XKR4: variants seen among roughly 807,000 people sequenced by gnomAD.
XKR4 encodes the protein XK-related protein 4.
A neutral mutation model predicts 53.9 loss-of-function variants in XKR4; 12 were observed. The ratio of observed to expected loss-of-function variants is 0.22; its 90% CI spans 0.14 to 0.36. The LOEUF (loss-of-function observed/expected upper bound fraction) is 0.36. XKR4 is among the 10% of genes least tolerant of loss of function. XKR4 has a pLI of 1.00. For missense variants in XKR4, 799 were observed against 859.5 expected (o/e 0.93, Z 0.88); for synonymous variants, 354 against 362.4 (o/e 0.98, Z 0.26).
intron 2 of XKR4, among the ~76,000 whole-genome samples, chr8:55,387,082 G>T (rs78023992): frequency 0.023 from 3,480 of 152,248 alleles, 47 homozygotes; most frequent in Middle Eastern, 0.037. Context: ...TTCCAGGTCC[G>T]CTTCTGTAGT....
chr8:55,187,666 A>G (rs894613974), intron 1 of XKR4, among the ~76,000 whole-genome samples: 7 of 152,148 alleles, frequency 4.6e-5, no homozygotes, highest in Non-Finnish European at 1.0e-4. Context: ...ATTGTTTTCT[A>G]TTTGTCTCTG....
At chr8:55,434,766 T>C (rs1479768834) in intron 2 of XKR4, among the ~76,000 whole-genome samples, 1 of 152,324 alleles carries the variant, frequency 6.6e-6, no homozygotes, top group South Asian at 2.1e-4. Context: ...GCTTTTTTAT[T>C]TGTTAGTGGA....
At chr8:55,308,815 A>T (rs1038689236) in intron 1 of XKR4, among the ~76,000 whole-genome samples, 2 of 152,222 alleles carry the variant, frequency 1.3e-5, no homozygotes, top group African/African-American at 4.8e-5. Context: ...TGATCCCTGG[A>T]ACGTGTGAAT....
intron 2 of XKR4, among the ~76,000 whole-genome samples, chr8:55,424,019 A>G (rs1190711683): frequency 6.6e-6 from 1 of 152,228 alleles, no homozygotes. Context: ...CAGTCCCTAC[A>G]TAATCCAAAC....
intron 2 of XKR4, among the ~76,000 whole-genome samples, chr8:55,480,083 G>T (rs1046067910): frequency 6.6e-6 from 1 of 152,124 alleles, no homozygotes; most frequent in South Asian, 2.1e-4. Context: ...CCAAAGCCTG[G>T]CAGAGACACC....
At chr8:55,176,937 C>CA (rs1275529685) in intron 1 of XKR4, among the ~76,000 whole-genome samples, 3 of 151,952 alleles carry the variant, frequency 2.0e-5, no homozygotes, top group Non-Finnish European at 4.4e-5. Context: ...TGTGCGCAGC[C>CA]AAATCACAAA....
At chr8:55,498,093 T>C (rs1806382918) in intron 2 of XKR4, among the ~76,000 whole-genome samples, 1 of 152,218 alleles carries the variant, frequency 6.6e-6, no homozygotes, top group Non-Finnish European at 1.5e-5. Flanking sequence ...GTTGCTGTCT[T>C]GATATTCTTA....
At chr8:55,386,956 G>A (rs1804327739) in intron 2 of XKR4, among the ~76,000 whole-genome samples, 1 of 152,138 alleles carries the variant, frequency 6.6e-6, no homozygotes, top group Non-Finnish European at 1.5e-5. Flanking sequence ...AATACTATAT[G>A]TTGCATAAAA....
At position 55,524,382 on chromosome 8, in the gene XKR4, C is replaced by A; in HGVS notation, c.*155C>A. 1.3e-6 allele frequency: 1 copy of A among 762,114 alleles called. No individual in the cohort carries two copies. The allele number at this position is 762,114 out of a possible 1,614,324, so 47.2% of individuals were successfully genotyped here. ...ATCATTTGATCCTGTCGGCTGGGGG[C>A]GGCTGGTCTCCTTCCAAAGCAGCTG... On this transcript the variant is annotated 3_prime_UTR_variant, in exon 3 of 3. Coordinates refer to ENST00000327381, the MANE Select transcript of XKR4 (RefSeq NM_052898.2).
chr8:55,186,142 T>A (rs985263073), intron 1 of XKR4, among the ~76,000 whole-genome samples: 2 of 152,010 alleles, frequency 1.3e-5, no homozygotes, highest in African/African-American at 4.8e-5. Context: ...AACCAATTCA[T>A]CTCCCAGAAT....
At chr8:55,259,170 C>A (rs543213019) in intron 1 of XKR4, among the ~76,000 whole-genome samples, 1 of 152,204 alleles carries the variant, frequency 6.6e-6, no homozygotes, top group South Asian at 2.1e-4. Flanking sequence ...GCACCGGCAT[C>A]CACTGCGCGG....
At chr8:55,215,067 G>A (rs1375383148) in intron 1 of XKR4, among the ~76,000 whole-genome samples, 7 of 123,772 alleles carry the variant, frequency 5.7e-5, no homozygotes, top group Non-Finnish European at 1.3e-4. Context: ...TGGGTTTAGA[G>A]TATGGTTAAA....
intron 2 of XKR4, among the ~76,000 whole-genome samples, chr8:55,518,980 C>T (rs1359989040): frequency 6.6e-6 from 1 of 152,156 alleles, no homozygotes; most frequent in African/African-American, 2.4e-5. Flanking sequence ...GGGGAAGGCG[C>T]TCTTATAGAG....
At chr8:55,247,855 C>CTTTCTTT (rs369983175) in intron 1 of XKR4, among the ~76,000 whole-genome samples, 1 of 59,856 alleles carries the variant, frequency 1.7e-5, no homozygotes, top group African/African-American at 4.5e-5. Context: ...TTCTTTCTTT[C>CTTTCTTT]TTTTTTTTTT....
At chr8:55,301,418 C>A (rs1819194844) in intron 1 of XKR4, among the ~76,000 whole-genome samples, 1 of 151,742 alleles carries the variant, frequency 6.6e-6, no homozygotes, top group Non-Finnish European at 1.5e-5. Context: ...GGGTTGGTTC[C>A]AAGTCTTTGC....
At chr8:55,117,229 G>T (rs961001356) in intron 1 of XKR4, among the ~76,000 whole-genome samples, 4 of 152,118 alleles carry the variant, frequency 2.6e-5, no homozygotes, top group Admixed American at 6.6e-5. Context: ...GGAGTGAGAA[G>T]AGGGAAATCC....
intron 1 of XKR4, among the ~76,000 whole-genome samples, chr8:55,169,751 T>C (rs1563473864): frequency 6.6e-6 from 1 of 152,242 alleles, no homozygotes; most frequent in Non-Finnish European, 1.5e-5. Context: ...TAAATCAAAA[T>C]TGAAAGTTGT....
chr8:55,240,122 G>A (rs1039546306), intron 1 of XKR4, among the ~76,000 whole-genome samples: 6 of 152,172 alleles, frequency 3.9e-5, no homozygotes, highest in African/African-American at 1.4e-4. Flanking sequence ...CTGGCACAGT[G>A]CCTGAAACAT....
At chr8:55,386,523 G>T (rs1035915156) in intron 2 of XKR4, among the ~76,000 whole-genome samples, 1 of 152,198 alleles carries the variant, frequency 6.6e-6, no homozygotes, top group East Asian at 1.9e-4. Context: ...GTGTTCCCGC[G>T]TTCCTAATTG....
Sources: gnomAD v4.1 joint callset for allele counts (sites outside exome capture counted in the v4.1 genomes callset) on GRCh38, gnomAD v4.1.1 for gene constraint, MANE v1.5 for transcripts, NCBI Gene and HGNC (gene_info 2026-07-23, HGNC 2026-07-21) for gene names.